The following WTAP variants were observed in gnomAD, a reference collection of about 807,000 sequenced individuals.
WTAP encodes the protein WT1 associated protein.
A neutral mutation model predicts 50.0 loss-of-function variants in WTAP; 8 were observed. The ratio of observed to expected loss-of-function variants is 0.16; its 90% confidence interval spans 0.09 to 0.29. The LOEUF (loss-of-function observed/expected upper bound fraction) is 0.29, where lower values mean the gene tolerates loss of function less well. WTAP is among the 10% of genes least tolerant of loss of function. The pLI, the probability that WTAP is intolerant of heterozygous loss-of-function variation, is 1.00. For synonymous variants in WTAP, 194 were observed against 169.0 expected, an observed-to-expected ratio of 1.15 and a Z score of -1.15; for missense variants, 295 against 470.7, an observed-to-expected ratio of 0.63 and a Z score of 3.45.
At chr6:159,735,495 A>G (rs1490289884) in intron 1 of WTAP, among the ~76,000 whole-genome samples, 1 of 152,206 alleles carries the variant, frequency 6.6e-6, no homozygotes, top group African/African-American at 2.4e-5. Flanking sequence ...TCATTCCTGT[A>G]ATCCCAGCAC....
chr6:159,732,271 A>G (rs973044770), intron 1 of WTAP, among the ~76,000 whole-genome samples: 1 of 152,336 alleles, frequency 6.6e-6, no homozygotes, highest in African/African-American at 2.4e-5. Flanking sequence ...AACAGCATCC[A>G]TGATACTTTA....
chr6:159,728,029 G>A (rs1459475483), intron 1 of WTAP, among the ~76,000 whole-genome samples: 1 of 152,104 alleles, frequency 6.6e-6, no homozygotes, highest in Non-Finnish European at 1.5e-5. Context: ...CTCGCCTCGG[G>A]GTCGCCCCCT....
intron 5 of WTAP, among the ~76,000 whole-genome samples, chr6:159,747,920 T>C (rs1779671992): frequency 1.3e-5 from 2 of 152,178 alleles, no homozygotes; most frequent in Non-Finnish European, 2.9e-5. Context: ...GACAAATAAG[T>C]TTTTTACATA....
At chr6:159,727,366 G>C (rs1187122657), upstream of WTAP, 1 of 1,223,684 alleles carries the variant, frequency 8.2e-7, no homozygotes, top group South Asian at 1.3e-5. Context: ...ATGGCGGAGC[G>C]GGGAGGCTGG....
In WTAP at chr6:159,727,557, A is replaced by C. The variant is rs1029235056; in HGVS notation, c.-155A>C. The C allele has an allele frequency of 9.1e-6, 9 of 988,592 alleles. No individual in the cohort carries two copies. The highest frequency in any genetic ancestry group is 5.1e-4 in the Middle Eastern group (1 of 1,942). 61.2% of individuals were successfully genotyped at this position (988,592 alleles called of 1,614,324 possible). A position where few individuals can be genotyped will look rare whatever the true frequency, so the allele number is the denominator to read the frequency against. ...GAGACCCACAAATAAAGGGGAGCGCAGGGGTTGCGGCGGGACTAGGAGCGC... is the reference window on the plus strand; with the variant it reads ...GAGACCCACAAATAAAGGGGAGCGCCGGGGTTGCGGCGGGACTAGGAGCGC... On this transcript the variant is annotated 5_prime_UTR_variant, in exon 1 of 8. Coordinates refer to ENST00000621533, the MANE Select transcript of WTAP (RefSeq NM_001270531.2).
At chr6:159,733,201 A>G (rs1033626848) in intron 1 of WTAP, among the ~76,000 whole-genome samples, 9 of 152,214 alleles carry the variant, frequency 5.9e-5, no homozygotes, top group African/African-American at 1.7e-4. Context: ...ATTTTATATC[A>G]TAGTAATATG....
rs751612764 is a variant in WTAP, at chr6:159,755,173, C to G, written c.753C>G (p.Thr251=). The G allele has an allele frequency of 4.3e-6, 7 of 1,613,996 alleles. No individual in the cohort carries two copies. In the East Asian group the frequency reaches 1.6e-4, roughly 36 times the overall value. ...QQQSQASAPS[T]SRTTASEPVE... ...AGTCTCAGGCCTCTGCCCCAAGTAC[C>G]AGCAGGACTACAGCTTCTGAACCTG... The change falls in exon 8 of 8, where the codon ACC becomes ACG. Residue 251 remains threonine, a synonymous_variant. Transcript: ENST00000621533.
At chr6:159,743,365 A>G (rs1404603938) in intron 4 of WTAP, among the ~76,000 whole-genome samples, 1 of 152,254 alleles carries the variant, frequency 6.6e-6, no homozygotes, top group Non-Finnish European at 1.5e-5. Context: ...TATATTAAAT[A>G]GGTTAAAACA....
rs544116161 is a variant in WTAP at position 159,738,880 on chromosome 6, A to G, written c.31-110A>G. On this transcript the variant is annotated intron_variant, in intron 2 of 7. Transcript: ENST00000621533. Reference sequence around the variant, plus strand: ...AAATACTTTTTCAAAAAATCATAATATGTACTGAGCCGTTTAAATCTCACA... The same window carrying G: ...AAATACTTTTTCAAAAAATCATAATGTGTACTGAGCCGTTTAAATCTCACA... 3.1e-4 allele frequency: 222 copies of G among 705,452 alleles called. No individual in the cohort carries two copies. In the African/African-American group the frequency reaches 3.4e-3, roughly 11 times the overall value. 43.7% of individuals were successfully genotyped at this position (705,452 alleles called of 1,614,324 possible). A position where few individuals can be genotyped will look rare whatever the true frequency, so the allele number is the denominator to read the frequency against.
rs898699058 is a variant in WTAP, at chr6:159,736,452, T to C, written c.30+157T>C. ...CAATAATAGCATTGGAGTTGTACAG[T>C]GTGCCAGATATTGTATCTTATATCC... is the stretch of plus-strand genomic sequence containing the variant. On this transcript the variant is annotated intron_variant, in intron 2 of 7. Coordinates refer to ENST00000621533, the MANE Select transcript of WTAP (RefSeq NM_001270531.2). The C allele has an allele frequency of 8.4e-6, 5 of 594,550 alleles. No individual in the cohort carries two copies. The Admixed American group carries it at 1.3e-4, about 15-fold the overall frequency. The allele number at this position is 594,550 out of a possible 1,614,324, so 36.8% of individuals were successfully genotyped here.
chr6:159,755,868 G>T lies in WTAP; in HGVS notation c.*257G>T. On this transcript the variant is annotated 3_prime_UTR_variant, in exon 8 of 8. Coordinates refer to ENST00000621533, the MANE Select transcript of WTAP (RefSeq NM_001270531.2). ...TTGCTAAAAGGACATTTTGTGTAGG[G>T]TCAAGTTATTTTTATATGAGTTAAT... 1 of 494,898 alleles carries T rather than the reference G, an allele frequency of 2.0e-6. No homozygotes were observed. Among genetic ancestry groups the T allele is most frequent in the Non-Finnish European group, 3.0e-6 (1 of 329,876 alleles). 30.7% of individuals were successfully genotyped at this position (494,898 alleles called of 1,614,324 possible).
chr6:159,736,412 T>C (rs541624982), intron 2 of WTAP, 117 bp downstream of exon 2: 415 of 832,732 alleles, frequency 5.0e-4, no homozygotes, highest in Non-Finnish European at 7.6e-4. Flanking sequence ...ATTTTTCATT[T>C]CTTTGCCTTT....
At chr6:159,738,844 C>T (rs919299492) in intron 2 of WTAP, 146 bp from the exon 3 acceptor site, 14 of 438,634 alleles carry the variant, frequency 3.2e-5, no homozygotes, top group Non-Finnish European at 5.1e-5. Flanking sequence ...AAAAAAAAAA[C>T]TTTTGTAATA....
intron 3 of WTAP, among the ~76,000 whole-genome samples, chr6:159,739,972 A>T (rs1016985490): frequency 3.3e-5 from 5 of 152,042 alleles, no homozygotes; most frequent in African/African-American, 1.2e-4. Context: ...TATATACTTA[A>T]GATACACTAC....
intron 3 of WTAP, 96 bp from the exon 4 acceptor site, chr6:159,741,992 C>T: frequency 1.2e-6 from 1 of 866,124 alleles, no homozygotes; most frequent in South Asian, 1.5e-5. Context: ...GAAGAATGCT[C>T]AGTATTACTA....
At chr6:159,731,231 G>A (rs1280180789) in intron 1 of WTAP, among the ~76,000 whole-genome samples, 2 of 151,602 alleles carry the variant, frequency 1.3e-5, no homozygotes, top group Admixed American at 6.6e-5. Flanking sequence ...GGAGGCCCAA[G>A]CAGGAGGATT....
upstream of WTAP, chr6:159,726,955 G>C: frequency 1.6e-6 from 2 of 1,287,308 alleles, no homozygotes; most frequent in East Asian, 5.6e-5. Flanking sequence ...ACGGATGAGC[G>C]TCACGAACAC....
intron 5 of WTAP, among the ~76,000 whole-genome samples, chr6:159,744,503 C>G (rs1344528605): frequency 6.9e-6 from 1 of 144,346 alleles, no homozygotes; most frequent in African/African-American, 2.6e-5. Context: ...TCATTGGAGA[C>G]ACCAAAAATC....
chr6:159,752,182 C>G (rs147136706), intron 6 of WTAP, among the ~76,000 whole-genome samples: 2,811 of 152,134 alleles, frequency 0.018, 158 homozygotes, highest in Admixed American at 0.11. Context: ...GTGTATCAGG[C>G]AAGTGAAAGC....
Sources: allele counts gnomAD v4.1 joint callset (sites outside exome capture counted in the v4.1 genomes callset), GRCh38; gene constraint gnomAD v4.1.1; transcripts MANE v1.5; gene names NCBI Gene and HGNC (gene_info 2026-07-23, HGNC 2026-07-21).